MOSPD2: variants seen among roughly 807,000 people sequenced by gnomAD.
The protein encoded by MOSPD2 is motile sperm domain containing 2.
MOSPD2 carries 5 observed loss-of-function variants against 41.7 expected under a neutral mutation model. That is an observed-to-expected ratio of 0.12 (90% CI 0.06 to 0.25). MOSPD2 has a LOEUF of 0.25. Among genes scored for constraint, MOSPD2 ranks in the 10% least tolerant of loss-of-function variants. MOSPD2 has a pLI of 1.00. For synonymous variants in MOSPD2, 115 were observed against 126.9 expected (o/e 0.91, Z 0.63); for missense variants, 282 against 375.2 (o/e 0.75, Z 2.05).
intron 10 of MOSPD2, among the ~76,000 whole-genome samples, chrX:14,913,031 T>C (rs2092594524): frequency 8.9e-6 from 1 of 112,005 alleles, no homozygotes; most frequent in Non-Finnish European, 1.9e-5. Flanking sequence ...AAAAATCTAA[T>C]CTGACATTCT....
intron 2 of MOSPD2, among the ~76,000 whole-genome samples, chrX:14,875,576 C>T (rs1308977663): frequency 3.6e-5 from 4 of 111,901 alleles, no homozygotes; most frequent in African/African-American, 1.3e-4. Context: ...TATTTGACTT[C>T]CTTTTAAAAA....
chrX:14,880,962 C>T (rs1365973659), intron 2 of MOSPD2, among the ~76,000 whole-genome samples: 1 of 111,569 alleles, frequency 9.0e-6, no homozygotes, highest in Non-Finnish European at 1.9e-5. Flanking sequence ...TGAGTGTTAC[C>T]TCTTTTCTAT....
intron 13 of MOSPD2, among the ~76,000 whole-genome samples, chrX:14,918,159 T>C (rs1422702044): frequency 2.7e-5 from 3 of 112,276 alleles, no homozygotes; most frequent in African/African-American, 9.7e-5. Context: ...GCAGATTAAT[T>C]TGAAGTTCTT....
At chrX:14,909,104 C>A in intron 8 of MOSPD2, 120 bp downstream of exon 8, 1 of 525,597 alleles carries the variant, frequency 1.9e-6, no homozygotes, top group East Asian at 4.8e-5. Flanking sequence ...CACAGATACC[C>A]CCAAAATAGC....
At chrX:14,886,830 A>T (rs772369385) in intron 2 of MOSPD2, among the ~76,000 whole-genome samples, 1 of 111,891 alleles carries the variant, frequency 8.9e-6, no homozygotes, top group African/African-American at 3.2e-5. Flanking sequence ...AATCATTCTG[A>T]TATGTGCTGA....
intron 2 of MOSPD2, among the ~76,000 whole-genome samples, chrX:14,883,859 G>GAT (rs1412229540): frequency 9.0e-6 from 1 of 111,688 alleles, no homozygotes; most frequent in Non-Finnish European, 1.9e-5. Context: ...ATTTATAAAA[G>GAT]ATATCAAATC....
rs1002153741 is a variant in MOSPD2 at position 14,900,504 on chromosome X, A to G, written c.478-71A>G. ...TTGTCTCACTTGTATTTAATAATTT[A>G]TCACCTTTAGAAATGTGCAATTTTA... On this transcript the variant is annotated intron_variant, in intron 5 of 14. Transcript: ENST00000380492. 3 of 466,621 alleles carry G rather than the reference A, an allele frequency of 6.4e-6. No individual in the cohort carries two copies. In the South Asian group the frequency reaches 1.5e-4, roughly 24 times the overall value. 38.5% of individuals were successfully genotyped at this position (466,621 alleles called of 1,213,427 possible).
intron 13 of MOSPD2, 123 bp downstream of exon 13, chrX:14,916,449 G>T: frequency 9.5e-7 from 1 of 1,057,208 alleles, no homozygotes; most frequent in Non-Finnish European, 1.3e-6. Context: ...CAAGGCTCTG[G>T]GGATGCCCAG....
In MOSPD2 at chrX:14,885,790, CTT is replaced by C. The variant is rs905608535; in HGVS notation, c.80-6932_80-6931del. The stretch of plus-strand genomic sequence containing the variant: ...TTAAAAAAAAAACTGAAGCGAATAA[CTT>C]AATATTTGTTAATTTTGGGTTACAG... On this transcript the variant is annotated intron_variant, in intron 2 of 14. Coordinates refer to ENST00000380492, the MANE Select transcript of MOSPD2 (RefSeq NM_152581.4). Among the ~76,000 whole-genome samples, 8 of 110,825 alleles carry C rather than the reference CTT, an allele frequency of 7.2e-5. No homozygotes were observed. In the South Asian group the frequency reaches 3.0e-3, roughly 42 times the overall value.
intron 6 of MOSPD2, among the ~76,000 whole-genome samples, chrX:14,901,966 T>TTA (rs760567070): frequency 0.2 from 21,550 of 106,685 alleles, 2,166 homozygotes; most frequent in Non-Finnish European, 0.3. Flanking sequence ...ACTAGAGATT[T>TTA]TATATATATA....
At chrX:14,905,184 TC>T (rs2147496802) in intron 7 of MOSPD2, among the ~76,000 whole-genome samples, 1 of 111,640 alleles carries the variant, frequency 9.0e-6, no homozygotes, top group Non-Finnish European at 1.9e-5. Flanking sequence ...AATGGATGCT[TC>T]CCCCCTAAGA....
In MOSPD2 at chrX:14,889,649, C is replaced by T. The variant is rs959674911; in HGVS notation, c.80-3074C>T. 5.4e-5 allele frequency among the ~76,000 whole-genome samples: 6 copies of T among 110,524 alleles called. 1 individual carries two copies. The highest frequency in any genetic ancestry group is 1.1e-4 in the Non-Finnish European group (6 of 52,906). On this transcript the variant is annotated intron_variant, in intron 2 of 14. Transcript: ENST00000380492. Reference sequence around the variant, plus strand: ...CTGTCAAATCTTTGTCTTCTCTTTTCTTTCCCCTACTCTGATTTCATTTCT... The same window carrying T: ...CTGTCAAATCTTTGTCTTCTCTTTTTTTTCCCCTACTCTGATTTCATTTCT...
intron 2 of MOSPD2, among the ~76,000 whole-genome samples, chrX:14,875,823 G>A (rs747957950): frequency 2.7e-5 from 3 of 111,612 alleles, no homozygotes; most frequent in South Asian, 7.5e-4. Context: ...AAATGTCTCC[G>A]TCTTGTTTAT....
intron 14 of MOSPD2, 73 bp downstream of exon 14, chrX:14,918,855 C>T (rs2092604669): frequency 7.4e-6 from 5 of 673,248 alleles, no homozygotes; most frequent in Middle Eastern, 3.0e-4. Flanking sequence ...TTTTTTCTCA[C>T]GGACATAAAG....
intron 2 of MOSPD2, among the ~76,000 whole-genome samples, chrX:14,878,115 A>T (rs1000843442): frequency 1.8e-5 from 2 of 112,477 alleles, no homozygotes; most frequent in African/African-American, 6.5e-5. Flanking sequence ...AATAAAAGAT[A>T]GTTTTCTTAT....
At chrX:14,874,045 G>T (rs1445220282) in intron 2 of MOSPD2, 1 of 358,035 alleles carries the variant, frequency 2.8e-6, no homozygotes, top group Non-Finnish European at 4.9e-6. Flanking sequence ...ATACTTGTTA[G>T]GCCCACAACA....
chrX:14,892,639 G>A (rs1420500398), intron 2 of MOSPD2, 84 bp from the exon 3 acceptor site: 1 of 732,408 alleles, frequency 1.4e-6, no homozygotes, highest in East Asian at 3.2e-5. Context: ...TGTCTTGGAA[G>A]TCTTTCTTCT....
At chrX:14,908,494 T>C (rs1298440556) in intron 7 of MOSPD2, among the ~76,000 whole-genome samples, 1 of 111,646 alleles carries the variant, frequency 9.0e-6, no homozygotes, top group Non-Finnish European at 1.9e-5. Context: ...GGTAAATGAC[T>C]CTTTCCATAC....
At chrX:14,906,245 G>A (rs1412178225) in intron 7 of MOSPD2, among the ~76,000 whole-genome samples, 1 of 112,011 alleles carries the variant, frequency 8.9e-6, no homozygotes, top group Non-Finnish European at 1.9e-5. Flanking sequence ...TAAACGTATA[G>A]ATCAGTGAAA....
Sources: allele counts gnomAD v4.1 joint callset (sites outside exome capture counted in the v4.1 genomes callset), GRCh38; gene constraint gnomAD v4.1.1; transcripts MANE v1.5; gene names NCBI Gene and HGNC (gene_info 2026-07-23, HGNC 2026-07-21).